Variants in PRAMEF19 observed in about 807,000 individuals in gnomAD.
PRAMEF19 encodes the protein PRAME family member 19, also known as PRAME family member-like.
PRAMEF19 carries 21 observed loss-of-function variants against 33.1 expected under a neutral mutation model. The observed-to-expected ratio is 0.63, with a 90% CI of 0.45 to 0.91. PRAMEF19 has a LOEUF of 0.91. Ranked by LOEUF, PRAMEF19 falls within the 40% of genes least tolerant of loss-of-function variation. The pLI, the probability that PRAMEF19 is intolerant of heterozygous loss-of-function variation, is 0.00. For synonymous variants in PRAMEF19, 179 were observed against 229.3 expected, an observed-to-expected ratio of 0.78 and a Z score of 1.98; for missense variants, 481 against 585.2, an observed-to-expected ratio of 0.82 and a Z score of 1.84.
intron 2 of PRAMEF19, among the ~76,000 whole-genome samples, chr1:13,370,046 T>C (rs1640651915): frequency 6.6e-6 from 1 of 152,198 alleles, no homozygotes; most frequent in Admixed American, 6.5e-5. Flanking sequence ...ACCTGTCACT[T>C]TGTACCACTC....
chr1:13,369,567 G>A, exon 3 of PRAMEF19: 1 of 1,613,918 alleles, frequency 6.2e-7, no homozygotes, highest in Non-Finnish European at 8.5e-7. Context: ...GGGTACCAGG[G>A]CAGACATTTC....
At chr1:13,370,790 C>G (rs1640661849) in exon 2 of PRAMEF19, 6 of 1,613,936 alleles carry the variant, frequency 3.7e-6, no homozygotes, top group Non-Finnish European at 5.1e-6. Flanking sequence ...GTAACCACAG[C>G]CATCGGAGAT....
chr1:13,368,734 G>A (rs1354787184), downstream of PRAMEF19, among the ~76,000 whole-genome samples: 2 of 152,094 alleles, frequency 1.3e-5, no homozygotes, highest in African/African-American at 2.4e-5. Context: ...TTTCCCCAGT[G>A]CTGCCCCCTG....
exon 3 of PRAMEF19, chr1:13,369,513 G>A (rs1346486913): frequency 6.2e-7 from 1 of 1,613,964 alleles, no homozygotes; most frequent in East Asian, 2.2e-5. Flanking sequence ...ATGAAGCGCA[G>A]TGTACCATGA....
At chr1:13,371,657 C>T (rs1640674248) in exon 1 of PRAMEF19, 5 of 1,610,730 alleles carry the variant, frequency 3.1e-6, no homozygotes, top group South Asian at 1.1e-5. Context: ...ATCCCATCCA[C>T]TACATAATGT....
Position 13,369,525 on chromosome 1 carries a change from T to A in PRAMEF19, c.982A>T (p.Ser328Cys), listed in dbSNP as rs1414725486. 1.2e-5 allele frequency: 19 copies of A among 1,613,742 alleles called. No individual in the cohort carries two copies. In the African/African-American group the frequency reaches 2.1e-4, roughly 18 times the overall value. The stretch of plus-strand genomic sequence containing the variant: ...CGGATGAAGCGCAGTGTACCATGAC[T>A]CAGATTCAGCTGCTTCAGTTGACTG... Residue 328 changes from serine (S) to cysteine (C), a missense_variant, in exon 3 of 3, where the codon AGT becomes TGT. This residue lies in a region of PRAMEF19 where 392 missense variants were observed against 397.5 expected (regional missense o/e 0.99). Transcript: ENST00000376101.
chr1:13,370,811 C>T lies in PRAMEF19; in HGVS notation c.704G>A (p.Arg235Gln), dbSNP rs1483677745. Residue 235 changes from arginine to glutamine, a missense_variant, in exon 2 of 3, where the codon CGA becomes CAA. Arg to Gln is a conservative substitution (Grantham distance 43). Around this residue, in one of 3 missense-constraint regions of PRAMEF19, gnomAD observed 392 missense variants for 397.5 expected, o/e 0.99. Transcript: ENST00000376101. The stretch of plus-strand genomic sequence containing the variant: ...ACAGCCATCGGAGATGAAGAGTTTT[C>T]GAAGATTCTTCATCTGGCTCAGGTA... 1.6e-4 allele frequency: 256 copies of T among 1,613,976 alleles called. 1 individual carries two copies. In the African/African-American group the frequency reaches 3.1e-3, roughly 19 times the overall value.
rs1374998875 is a variant in PRAMEF19, at chr1:13,371,566, C to T, written c.287+48G>A. On this transcript the variant is annotated intron_variant, in intron 1 of 2. Coordinates refer to ENST00000376101, the Ensembl canonical transcript of PRAMEF19. The stretch of plus-strand genomic sequence containing the variant: ...CAGGTTCCCAATTTGTCTGACCCAG[C>T]TGCTTAGTCCCTGGACACCTGGGCC... The T allele has an allele frequency of 8.1e-6, 13 of 1,610,582 alleles. No individual in the cohort carries two copies. The African/African-American group carries it at 1.8e-4, about 22-fold the overall frequency.
chr1:13,369,493 C>A (rs1640643993), exon 3 of PRAMEF19: 1 of 1,613,832 alleles, frequency 6.2e-7, no homozygotes, highest in Non-Finnish European at 8.5e-7. Context: ...CTCGGAGGGG[C>A]TCAAGACGGA....
chr1:13,370,669 G>T, exon 2 of PRAMEF19: 1 of 1,613,956 alleles, frequency 6.2e-7, no homozygotes, highest in Non-Finnish European at 8.5e-7. Flanking sequence ...GGTCCAGGTA[G>T]CCTTCGAAGA....
chr1:13,371,811 C>G, exon 1 of PRAMEF19: 1 of 1,611,152 alleles, frequency 6.2e-7, no homozygotes, highest in Non-Finnish European at 8.5e-7. Context: ...CCCTGGGCAG[C>G]TCATCCAGGA....
exon 2 of PRAMEF19, chr1:13,370,862 G>A (rs1364097722): frequency 5.6e-6 from 9 of 1,613,776 alleles, no homozygotes; most frequent in African/African-American, 2.7e-5. Context: ...TACCATACAC[G>A]GCCAGCACAT....
chr1:13,369,175 T>C, exon 3 of PRAMEF19: 1 of 1,611,962 alleles, frequency 6.2e-7, no homozygotes, highest in Non-Finnish European at 8.5e-7. Flanking sequence ...TGGGCTCCCT[T>C]ACTTCCCTCA....
intron 1 of PRAMEF19, 83 bp from the exon 2 acceptor site, chr1:13,371,310 C>A: frequency 1.2e-6 from 2 of 1,607,286 alleles, no homozygotes; most frequent in Non-Finnish European, 8.5e-7. Context: ...TCAAGGACTT[C>A]AGCTGCTTTT....
intron 2 of PRAMEF19, 80 bp from the exon 3 acceptor site, chr1:13,369,720 C>G (rs1437779507): frequency 6.3e-7 from 1 of 1,586,594 alleles, no homozygotes; most frequent in Non-Finnish European, 8.6e-7. Flanking sequence ...AGGGAAGAGC[C>G]TGTTTTGCCC....
exon 1 of PRAMEF19, chr1:13,371,710 A>G: frequency 6.2e-7 from 1 of 1,609,144 alleles, no homozygotes. Flanking sequence ...CCCCAGAGGG[A>G]GGCAGGGGAA....
In PRAMEF19 at chr1:13,369,727, G is replaced by A. The variant is rs902678; in HGVS notation, c.867-87C>T. ...TAACGTCAAGGGAAGAGCCTGTTTT[G>A]CCCAAACACAAGTTTGTTCTCATCA... On this transcript the variant is annotated intron_variant, in intron 2 of 2. Transcript: ENST00000376101. The A allele has an allele frequency of 3.8e-3, 5,956 of 1,566,788 alleles. 152 individuals carry two copies. In the African/African-American group the frequency reaches 0.066, roughly 17 times the overall value.
At chr1:13,369,197 A>G (rs1209511754) in exon 3 of PRAMEF19, 1 of 1,612,050 alleles carries the variant, frequency 6.2e-7, no homozygotes, top group African/African-American at 1.3e-5. Flanking sequence ...TATACGCATC[A>G]GCTCAGCCTG....
rs1640658261 is a variant in PRAMEF19 at position 13,370,639 on chromosome 1, C to CT, written c.866+9dup. The CT allele has an allele frequency of 6.2e-7, 1 of 1,613,898 alleles. No individual in the cohort carries two copies. The highest frequency in any genetic ancestry group is 1.3e-5 in the African/African-American group (1 of 75,052). On this transcript the variant is annotated intron_variant, in intron 2 of 2. Transcript: ENST00000376101. ...GTGTCCCCCAGAGAAAGCTCACCATCTTTCCTCACCTGATCAGCTGGTCCA... is the reference window on the plus strand; with the variant it reads ...GTGTCCCCCAGAGAAAGCTCACCATCTTTTCCTCACCTGATCAGCTGGTCCA...
Sources: allele counts gnomAD v4.1 joint callset (sites outside exome capture counted in the v4.1 genomes callset), GRCh38; gene constraint gnomAD v4.1.1; regional missense constraint gnomAD v4.1.1; transcripts MANE v1.5; gene names NCBI Gene and HGNC (gene_info 2026-07-23, HGNC 2026-07-21).